Variants in RELL1 observed in about 807,000 individuals in gnomAD.
RELL1 encodes RELT-like protein 1.
RELL1 carries 10 observed loss-of-function variants against 23.0 expected under a neutral mutation model. That is an observed-to-expected ratio of 0.43 (90% CI 0.27 to 0.74). The LOEUF (loss-of-function observed/expected upper bound fraction) is 0.74, where lower values mean the gene tolerates loss of function less well. RELL1 is among the 30% of genes least tolerant of loss of function. RELL1 has a pLI of 0.19. For synonymous variants in RELL1, 146 were observed against 146.8 expected (o/e 0.99, Z 0.04); for missense variants, 315 against 364.4 (o/e 0.86, Z 1.10).
intron 6 of RELL1, among the ~76,000 whole-genome samples, chr4:37,630,138 A>G (rs1226445495): frequency 1.3e-5 from 2 of 149,134 alleles, no homozygotes; most frequent in South Asian, 2.1e-4. Flanking sequence ...TCCCTTCCCT[A>G]TGTAAGTGTA....
At chr4:37,603,358 G>A (rs968204782) in intron 6 of RELL1, among the ~76,000 whole-genome samples, 7 of 152,156 alleles carry the variant, frequency 4.6e-5, no homozygotes, top group African/African-American at 1.7e-4. Context: ...GGGGAGATCT[G>A]AGAACAGTCC....
intron 1 of RELL1, among the ~76,000 whole-genome samples, chr4:37,680,507 A>G (rs183139782): frequency 2.3e-3 from 347 of 152,368 alleles, no homozygotes; most frequent in African/African-American, 7.9e-3. Context: ...GTGGAACAGT[A>G]GGCAGCCCTT....
intron 6 of RELL1, among the ~76,000 whole-genome samples, chr4:37,620,253 C>T (rs1231470347): frequency 6.6e-6 from 1 of 152,056 alleles, no homozygotes; most frequent in African/African-American, 2.4e-5. Flanking sequence ...TTTTGCATTC[C>T]TTACAGTTTT....
At chr4:37,603,813 TTG>T (rs1440445282) in intron 6 of RELL1, among the ~76,000 whole-genome samples, 6 of 151,574 alleles carry the variant, frequency 4.0e-5, no homozygotes, top group African/African-American at 1.5e-4. Flanking sequence ...CTTTTTTTTG[TTG>T]TTGTTGTTTG....
At chr4:37,609,956 T>C (rs1312719236), downstream of RELL1, among the ~76,000 whole-genome samples, 2 of 151,678 alleles carry the variant, frequency 1.3e-5, no homozygotes, top group Non-Finnish European at 2.9e-5. Context: ...ATAAACTTAG[T>C]TGATAAAGCA....
intron 1 of RELL1, among the ~76,000 whole-genome samples, chr4:37,669,147 T>C (rs1721675689): frequency 8.8e-6 from 1 of 113,456 alleles, no homozygotes; most frequent in Non-Finnish European, 1.8e-5. Context: ...GAGGAGCCCC[T>C]CTGCCCGGCC....
chr4:37,601,059 T>G (rs1398830390), intron 6 of RELL1, among the ~76,000 whole-genome samples: 8 of 152,302 alleles, frequency 5.3e-5, no homozygotes. Flanking sequence ...ACCATGCTCC[T>G]TAGCTGGTAG....
Position 37,635,032 on chromosome 4 carries a change from G to T in RELL1, c.535C>A (p.His179Asn). Residue 179 changes from histidine (H) to asparagine (N), a missense_variant, in exon 5 of 7, where the codon CAT becomes AAT. By Grantham distance (68) the His-to-Asn change is moderately conservative. Transcript: ENST00000454158. ...ACAACACCGCCCACCGTATGCAGAT[G>T]ATGGCCACAGACGTGCTTCCCTGGC... ...GTPGKHVCGH[H>N]LHTVGGVVER... The T allele has an allele frequency of 2.5e-6, 4 of 1,614,264 alleles. No homozygotes were observed. Among genetic ancestry groups the T allele is most frequent in the Non-Finnish European group, 3.4e-6 (4 of 1,180,052 alleles).
At chr4:37,684,825 T>C (rs1417278597) in intron 1 of RELL1, among the ~76,000 whole-genome samples, 2 of 152,140 alleles carry the variant, frequency 1.3e-5, no homozygotes, top group Non-Finnish European at 1.5e-5. Flanking sequence ...TGGTGGCACA[T>C]GCCTGTAATC....
At position 37,612,785 on chromosome 4, in the gene RELL1, C is replaced by T. The variant is rs1004583199; in HGVS notation, c.*561G>A. 4 of 152,106 alleles carry T rather than the reference C, an allele frequency of 2.6e-5. No homozygotes were observed. Among genetic ancestry groups the T allele is most frequent in the Non-Finnish European group, 4.4e-5 (3 of 68,040 alleles). The allele number at this position is 152,106 out of a possible 1,614,324, so 9.4% of individuals were successfully genotyped here. On this transcript the variant is annotated 3_prime_UTR_variant, in exon 7 of 7. Coordinates refer to ENST00000454158, the MANE Select transcript of RELL1 (RefSeq NM_001085400.2). ...ACTCCATGGTCCCTTGGGGAATCAA[C>T]TCCTCAGGGCTAACTAGATTATTTC...
At chr4:37,623,238 C>T (rs1719830756) in intron 6 of RELL1, 1 of 176,076 alleles carries the variant, frequency 5.7e-6, no homozygotes, top group Non-Finnish European at 1.2e-5. Context: ...GGACCTGATC[C>T]AGACAGAGCC....
intron 1 of RELL1, among the ~76,000 whole-genome samples, chr4:37,660,297 C>G (rs995038185): frequency 6.6e-6 from 1 of 152,008 alleles, no homozygotes; most frequent in Non-Finnish European, 1.5e-5. Context: ...AAATTACAAG[C>G]AGGAGCTGAT....
chr4:37,594,671 C>A (rs1196699256), intron 6 of RELL1, among the ~76,000 whole-genome samples: 1 of 152,092 alleles, frequency 6.6e-6, no homozygotes, highest in Admixed American at 6.6e-5. Context: ...CCCAAAAAAA[C>A]GAAGAGAATT....
chr4:37,616,285 A>C (rs1719571687), intron 6 of RELL1, among the ~76,000 whole-genome samples: 1 of 152,210 alleles, frequency 6.6e-6, no homozygotes, highest in South Asian at 2.1e-4. Context: ...AAGGCCACAC[A>C]ATTAGTAACG....
rs115095949 is a variant in RELL1, at chr4:37,652,120, C to T, written c.89-2620G>A. On this transcript the variant is annotated intron_variant, in intron 1 of 6. Coordinates refer to ENST00000454158, the MANE Select transcript of RELL1 (RefSeq NM_001085400.2). Reference sequence around the variant, plus strand: ...CAATATGCCTGGTATGAAATGAGCACGGTTCATCACAGCAGCAAACAAACA... The same window carrying T: ...CAATATGCCTGGTATGAAATGAGCATGGTTCATCACAGCAGCAAACAAACA... 3.3e-3 allele frequency among the ~76,000 whole-genome samples: 510 copies of T among 152,288 alleles called. 3 individuals carry two copies. The highest frequency in any genetic ancestry group is 7.0e-3 in the South Asian group (34 of 4,830).
chr4:37,658,001 G>A (rs963903901), intron 1 of RELL1, among the ~76,000 whole-genome samples: 2 of 152,080 alleles, frequency 1.3e-5, no homozygotes. Flanking sequence ...CCCAACTACT[G>A]GGGAAGCTTG....
intron 2 of RELL1, among the ~76,000 whole-genome samples, chr4:37,648,328 T>C (rs1720780133): frequency 6.6e-6 from 1 of 152,240 alleles, no homozygotes; most frequent in Non-Finnish European, 1.5e-5. Flanking sequence ...CATGCAATCC[T>C]GTTCCTTCTC....
At chr4:37,600,316 C>T (rs1011960199) in intron 6 of RELL1, among the ~76,000 whole-genome samples, 11 of 151,510 alleles carry the variant, frequency 7.3e-5, no homozygotes, top group South Asian at 4.2e-4. Flanking sequence ...TATTATCCAG[C>T]GAAGGTCACT....
chr4:37,677,523 A>G (rs572765467), intron 1 of RELL1, among the ~76,000 whole-genome samples: 1 of 152,358 alleles, frequency 6.6e-6, no homozygotes, highest in African/African-American at 2.4e-5. Flanking sequence ...CATCAAATCT[A>G]CATCAAATAC....
Sources: allele counts gnomAD v4.1 joint callset (sites outside exome capture counted in the v4.1 genomes callset), GRCh38; gene constraint gnomAD v4.1.1; transcripts MANE v1.5; gene names NCBI Gene and HGNC (gene_info 2026-07-23, HGNC 2026-07-21).